The following SRGAP2C variants were observed in gnomAD, a reference collection of about 807,000 sequenced individuals.
The protein encoded by SRGAP2C is SLIT-ROBO Rho GTPase-activating protein 2C.
Under a neutral mutation model 25.1 loss-of-function variants are expected in SRGAP2C, and 15 were observed. The observed-to-expected ratio is 0.60, with a 90% CI of 0.40 to 0.92. The LOEUF is 0.92. SRGAP2C is among the 40% of genes least tolerant of loss of function. The pLI, the probability that SRGAP2C is intolerant of heterozygous loss-of-function variation, is 0.00. For synonymous variants in SRGAP2C, 44 were observed against 96.6 expected, an observed-to-expected ratio of 0.46 and a Z score of 3.19; for missense variants, 144 against 264.4, an observed-to-expected ratio of 0.54 and a Z score of 3.16.
At chr1:121,336,581 G>A (rs1333318507) in intron 4 of SRGAP2C, among the ~76,000 whole-genome samples, 5 of 87,912 alleles carry the variant, frequency 5.7e-5, no homozygotes, top group Non-Finnish European at 9.7e-5. Flanking sequence ...AAATTTTATA[G>A]TAGATGTATA....
At chr1:121,343,231 A>T (rs1159058377) in intron 4 of SRGAP2C, among the ~76,000 whole-genome samples, 5 of 151,806 alleles carry the variant, frequency 3.3e-5, no homozygotes, top group East Asian at 2.0e-4. Context: ...GAAACACAAG[A>T]TGAGGTTTTC....
intron 2 of SRGAP2C, among the ~76,000 whole-genome samples, chr1:121,282,599 G>T (rs1414394848): frequency 6.6e-6 from 1 of 151,942 alleles, no homozygotes. Context: ...CTGTCGCCCA[G>T]GCTGGAGTGC....
At chr1:121,272,855 G>A (rs1451223166) in intron 2 of SRGAP2C, among the ~76,000 whole-genome samples, 1 of 151,732 alleles carries the variant, frequency 6.6e-6, no homozygotes, top group Non-Finnish European at 1.5e-5. Context: ...AATCGTGGTT[G>A]CCTTTTAATG....
At chr1:121,360,667 C>T (rs1436870053) in intron 4 of SRGAP2C, 2 of 35,282 alleles carry the variant, frequency 5.7e-5, no homozygotes, top group African/African-American at 1.1e-4. Context: ...TTCCTTTTAG[C>T]CCTCTCCTCC....
intron 3 of SRGAP2C, among the ~76,000 whole-genome samples, chr1:121,303,534 G>T (rs1202108640): frequency 6.6e-6 from 1 of 151,340 alleles, no homozygotes; most frequent in South Asian, 2.1e-4. Context: ...TTTTCAGAGA[G>T]CCTCGGTTGC....
intron 8 of SRGAP2C, among the ~76,000 whole-genome samples, chr1:121,383,360 A>C (rs1291012144): frequency 6.6e-6 from 1 of 151,794 alleles, no homozygotes; most frequent in Non-Finnish European, 1.5e-5. Flanking sequence ...AGGTGGGGCC[A>C]CATCCTAGAG....
chr1:121,305,416 A>G (rs1335440599), intron 3 of SRGAP2C, among the ~76,000 whole-genome samples: 1 of 65,214 alleles, frequency 1.5e-5, no homozygotes, highest in East Asian at 4.4e-4. Context: ...CTGTTCTGAA[A>G]TCCTTGAAAT....
At position 121,365,096 on chromosome 1, in the gene SRGAP2C, A is replaced by T. The variant is rs1553349302; in HGVS notation, c.424-197A>T. On this transcript the variant is annotated intron_variant, in intron 4 of 9. Transcript: ENST00000367123. ...CTCTACGCAATTGCCTTTGCTAGGC[A>T]CATTTCATTTTATTAAAACTCTTTG... Among the ~76,000 whole-genome samples the T allele has an allele frequency of 2.3e-5, 2 of 87,416 alleles. 1 individual carries two copies. The highest frequency in any genetic ancestry group is 8.3e-5 in the African/African-American group (2 of 24,206). The allele number at this position is 87,416 out of a possible 152,430, so 57.3% of individuals were successfully genotyped here.
chr1:121,304,002 A>G (rs1459754914), intron 3 of SRGAP2C, among the ~76,000 whole-genome samples: 2 of 148,288 alleles, frequency 1.3e-5, no homozygotes, highest in Non-Finnish European at 3.0e-5. Flanking sequence ...CAGGAGATCA[A>G]GACCATCCTG....
intron 4 of SRGAP2C, among the ~76,000 whole-genome samples, chr1:121,343,431 G>A (rs1658676256): frequency 6.6e-6 from 1 of 151,076 alleles, no homozygotes; most frequent in Admixed American, 6.6e-5. Context: ...AAAGGCTGTT[G>A]TAATCAGAGC....
chr1:121,365,500 CTT>C lies in SRGAP2C; in HGVS notation c.486+150_486+151del, dbSNP rs1350138644. On this transcript the variant is annotated intron_variant, in intron 5 of 9. Transcript: ENST00000367123. Reference sequence around the variant, plus strand: ...CCACTGGGGGTGACCCCACCCATCTCTTTTTTCACACTCGTCTTTTCAAAACG... The same window carrying C: ...CCACTGGGGGTGACCCCACCCATCTCTTTTCACACTCGTCTTTTCAAAACG... 2 of 366,298 alleles carry C rather than the reference CTT, an allele frequency of 5.5e-6. 1 individual carries two copies. Among genetic ancestry groups the C allele is most frequent in the Non-Finnish European group, 9.6e-6 (2 of 207,534 alleles). 22.7% of individuals were successfully genotyped at this position (366,298 alleles called of 1,614,324 possible). A position where few individuals can be genotyped will look rare whatever the true frequency, so the allele number is the denominator to read the frequency against.
intron 2 of SRGAP2C, among the ~76,000 whole-genome samples, chr1:121,191,130 T>C (rs1654662707): frequency 6.6e-6 from 1 of 151,918 alleles, no homozygotes; most frequent in African/African-American, 2.4e-5. Context: ...TCTTTTTACA[T>C]AGCTCTTTCC....
intron 4 of SRGAP2C, among the ~76,000 whole-genome samples, chr1:121,355,560 C>A (rs1330384159): frequency 6.7e-5 from 9 of 133,926 alleles, no homozygotes; most frequent in Non-Finnish European, 1.4e-4. Context: ...CCGCCCGCCT[C>A]GGCCTCCCAA....
chr1:121,384,731 C>T (rs138168165), intron 8 of SRGAP2C, among the ~76,000 whole-genome samples: 6,698 of 144,394 alleles, frequency 0.046, 542 homozygotes, highest in African/African-American at 0.16. Flanking sequence ...GTGCTCAAGC[C>T]CCCTTCTCCC....
intron 3 of SRGAP2C, among the ~76,000 whole-genome samples, chr1:121,317,101 G>A (rs1166432821): frequency 2.1e-5 from 2 of 95,488 alleles, no homozygotes; most frequent in East Asian, 5.1e-4. Flanking sequence ...TAAGATGTGG[G>A]TTGTGGCTGA....
At chr1:121,198,758 A>T (rs1654904824) in intron 2 of SRGAP2C, among the ~76,000 whole-genome samples, 1 of 151,176 alleles carries the variant, frequency 6.6e-6, no homozygotes, top group African/African-American at 2.4e-5. Context: ...CTCTTTGGGA[A>T]GACATCTTGA....
chr1:121,265,124 A>G (rs2101537813), intron 2 of SRGAP2C, among the ~76,000 whole-genome samples: 1 of 123,186 alleles, frequency 8.1e-6, no homozygotes, highest in Non-Finnish European at 1.7e-5. Flanking sequence ...GCTTGAACCC[A>G]GGAGGCAGAG....
chr1:121,339,442 G>A (rs1465753397), intron 4 of SRGAP2C, among the ~76,000 whole-genome samples: 1 of 146,024 alleles, frequency 6.8e-6, no homozygotes, highest in East Asian at 2.0e-4. Context: ...TTTTAGTAGA[G>A]GTGGGGTTTC....
intron 2 of SRGAP2C, among the ~76,000 whole-genome samples, chr1:121,215,992 A>G (rs1433620461): frequency 1.1e-4 from 17 of 151,920 alleles, no homozygotes; most frequent in Non-Finnish European, 5.9e-5. Context: ...TGAGTCCTTG[A>G]TGTTGACTCC....
Sources: allele counts gnomAD v4.1 joint callset (sites outside exome capture counted in the v4.1 genomes callset), GRCh38; gene constraint gnomAD v4.1.1; transcripts MANE v1.5; gene names NCBI Gene and HGNC (gene_info 2026-07-23, HGNC 2026-07-21).